Variants in TBL1X observed in about 807,000 individuals in gnomAD.
TBL1X encodes the protein transducin beta like 1 X-linked, also known as F-box-like/WD repeat-containing protein TBL1X.
TBL1X carries 10 observed loss-of-function variants against 50.7 expected under a neutral mutation model. The observed-to-expected ratio is 0.20, with a 90% confidence interval of 0.12 to 0.33. TBL1X has a LOEUF of 0.33. Among genes scored for constraint, TBL1X ranks in the 10% least tolerant of loss-of-function variants. The pLI is 1.00. For synonymous variants in TBL1X, 190 were observed against 214.7 expected (o/e 0.88, Z 1.01); for missense variants, 340 against 504.4 (o/e 0.67, Z 3.12).
At chrX:9,671,790 A>T (rs1236330317) in intron 5 of TBL1X, among the ~76,000 whole-genome samples, 3 of 112,505 alleles carry the variant, frequency 2.7e-5, no homozygotes, top group Middle Eastern at 9.2e-3. Flanking sequence ...CAACCCTCTC[A>T]TAACTGTGCT....
intron 2 of TBL1X, among the ~76,000 whole-genome samples, chrX:9,504,808 C>A (rs1446870533): frequency 2.7e-5 from 3 of 111,502 alleles, no homozygotes; most frequent in Non-Finnish European, 5.6e-5. Flanking sequence ...AATATGGGAC[C>A]TCATAAAAAG....
chrX:9,523,835 A>G (rs2082118292), intron 2 of TBL1X, among the ~76,000 whole-genome samples: 1 of 111,790 alleles, frequency 8.9e-6, no homozygotes, highest in Middle Eastern at 4.3e-3. Flanking sequence ...ATAAAAGTAG[A>G]ATCATAAAGG....
intron 1 of TBL1X, among the ~76,000 whole-genome samples, chrX:9,482,824 A>T (rs1269481672): frequency 9.0e-6 from 1 of 111,261 alleles, no homozygotes; most frequent in East Asian, 2.8e-4. Flanking sequence ...AAGAGATCTG[A>T]GCTAATCCAC....
At chrX:9,638,601 C>T (rs2082760096) in intron 2 of TBL1X, among the ~76,000 whole-genome samples, 1 of 112,081 alleles carries the variant, frequency 8.9e-6, no homozygotes, top group African/African-American at 3.2e-5. Flanking sequence ...TCAAGACTCT[C>T]ATTTGTGGGT....
At chrX:9,643,354 C>T (rs188805484) in intron 3 of TBL1X, among the ~76,000 whole-genome samples, 1 of 111,472 alleles carries the variant, frequency 9.0e-6, no homozygotes, top group East Asian at 2.8e-4. Flanking sequence ...CTGCTTCTGT[C>T]AGCCCTTTAT....
At chrX:9,642,769 G>A (rs1402584310) in intron 3 of TBL1X, among the ~76,000 whole-genome samples, 1 of 112,681 alleles carries the variant, frequency 8.9e-6, no homozygotes, top group Non-Finnish European at 1.9e-5. Context: ...GGCAGCTGCT[G>A]TACTCTGCCA....
Position 9,714,832 on chromosome X carries a change from C to T in TBL1X, c.1606-70C>T, listed in dbSNP as rs1304801141. The T allele has an allele frequency of 7.9e-6, 8 of 1,010,491 alleles. No homozygotes were observed. In the East Asian group the frequency reaches 9.6e-5, roughly 12 times the overall value. The allele number at this position is 1,010,491 out of a possible 1,213,427, so 83.3% of individuals were successfully genotyped here. ...TGACGAAACGTCAGGGCCGGAGGAGCGCACATTCCACACCTGCATCTGTCG... is the reference window on the plus strand; with the variant it reads ...TGACGAAACGTCAGGGCCGGAGGAGTGCACATTCCACACCTGCATCTGTCG... On this transcript the variant is annotated intron_variant, in intron 16 of 17. Transcript: ENST00000645353.
At chrX:9,576,695 T>TAA (rs146596930) in intron 2 of TBL1X, among the ~76,000 whole-genome samples, 1,099 of 72,312 alleles carry the variant, frequency 0.015, 20 homozygotes, top group South Asian at 0.05. Flanking sequence ...AGCACTACAT[T>TAA]AAAAAAAAAA....
chrX:9,582,011 G>C (rs952225897), intron 2 of TBL1X, among the ~76,000 whole-genome samples: 4 of 112,343 alleles, frequency 3.6e-5, no homozygotes, highest in African/African-American at 1.3e-4. Flanking sequence ...CCCTGAGGAA[G>C]CATTAGGACA....
chrX:9,510,955 C>T (rs763265026), intron 2 of TBL1X, among the ~76,000 whole-genome samples: 1 of 111,830 alleles, frequency 8.9e-6, no homozygotes, highest in Non-Finnish European at 1.9e-5. Context: ...TCCATCCATC[C>T]ACGCACGCAC....
At chrX:9,561,306 C>T (rs2082323935) in intron 2 of TBL1X, among the ~76,000 whole-genome samples, 1 of 111,803 alleles carries the variant, frequency 8.9e-6, no homozygotes. Context: ...CAGCGTCTTT[C>T]AGTAGAGTGA....
At chrX:9,540,600 A>G (rs146729606) in intron 2 of TBL1X, among the ~76,000 whole-genome samples, 1,308 of 112,814 alleles carry the variant, frequency 0.012, 12 homozygotes, top group Non-Finnish European at 0.015. Context: ...GCCAAAGGCA[A>G]TTGTTGGTCT....
chrX:9,607,287 C>T (rs993169728), intron 2 of TBL1X, among the ~76,000 whole-genome samples: 2 of 112,966 alleles, frequency 1.8e-5, no homozygotes, highest in Non-Finnish European at 3.7e-5. Flanking sequence ...CCTGACTTAT[C>T]GGACATTTCG....
chrX:9,670,839 A>G (rs959199756), intron 5 of TBL1X, among the ~76,000 whole-genome samples: 4 of 112,529 alleles, frequency 3.6e-5, no homozygotes, highest in African/African-American at 1.3e-4. Flanking sequence ...TTACATTGCT[A>G]ATGTGTATCC....
intron 2 of TBL1X, among the ~76,000 whole-genome samples, chrX:9,527,768 C>T (rs937940844): frequency 3.6e-5 from 4 of 110,313 alleles, no homozygotes; most frequent in African/African-American, 1.3e-4. Context: ...CACACTGTTC[C>T]GCCACCATCA....
intron 2 of TBL1X, among the ~76,000 whole-genome samples, chrX:9,605,787 A>T (rs745870878): frequency 1.8e-5 from 2 of 112,473 alleles, no homozygotes; most frequent in Non-Finnish European, 3.7e-5. Flanking sequence ...TTTTGTTTGC[A>T]TGCTTGCTTG....
chrX:9,697,236 G>A, intron 11 of TBL1X, 133 bp from the exon 12 acceptor site: 3 of 804,696 alleles, frequency 3.7e-6, no homozygotes, highest in Non-Finnish European at 5.3e-6. Context: ...TAGCCCATAA[G>A]GCTCACTCTC....
At chrX:9,556,609 G>T (rs1457254357) in intron 2 of TBL1X, among the ~76,000 whole-genome samples, 1 of 109,256 alleles carries the variant, frequency 9.2e-6, no homozygotes, top group Non-Finnish European at 1.9e-5. Flanking sequence ...AGCCATGCGA[G>T]TGCTCCAGCC....
intron 2 of TBL1X, among the ~76,000 whole-genome samples, chrX:9,518,286 A>G (rs2082090715): frequency 9.0e-6 from 1 of 111,238 alleles, no homozygotes; most frequent in African/African-American, 3.3e-5. Context: ...TGCGAAGCCT[A>G]AGATATTTGC....
Sources: allele counts gnomAD v4.1 joint callset (sites outside exome capture counted in the v4.1 genomes callset), GRCh38; gene constraint gnomAD v4.1.1; transcripts MANE v1.5; gene names NCBI Gene and HGNC (gene_info 2026-07-23, HGNC 2026-07-21).